SPSB4: variants seen among roughly 807,000 people sequenced by gnomAD.
SPSB4 encodes the protein SPRY domain-containing SOCS box protein 4.
SPSB4 carries 21 observed loss-of-function variants against 20.9 expected under a neutral mutation model. That is an observed-to-expected ratio of 1.01 (90% CI 0.71 to 1.45). The LOEUF (loss-of-function observed/expected upper bound fraction) is 1.45, where lower values mean the gene tolerates loss of function less well. Among genes scored for constraint, SPSB4 ranks in the 40% most tolerant of loss-of-function variants. SPSB4 has a pLI of 0.00. For synonymous variants in SPSB4, 207 were observed against 183.8 expected (o/e 1.13, Z -1.02); for missense variants, 399 against 399.2 (o/e 1.00, Z 0.00).
chr3:141,052,547 A>G (rs1213316111), intron 1 of SPSB4, among the ~76,000 whole-genome samples: 1 of 152,124 alleles, frequency 6.6e-6, no homozygotes, highest in African/African-American at 2.4e-5. Flanking sequence ...TGGGGACAAT[A>G]ATTCCTGGGG....
At chr3:141,067,720 G>A (rs943219092) in intron 2 of SPSB4, among the ~76,000 whole-genome samples, 8 of 152,210 alleles carry the variant, frequency 5.3e-5, no homozygotes, top group Non-Finnish European at 1.2e-4. Flanking sequence ...TGCCTGTCCT[G>A]AGTTGAATCC....
intron 1 of SPSB4, among the ~76,000 whole-genome samples, chr3:141,061,645 AT>A (rs1178853818): frequency 2.0e-5 from 3 of 150,694 alleles, no homozygotes; most frequent in East Asian, 1.9e-4. Flanking sequence ...TTATTAACAT[AT>A]TTTTTCAGAT....
intron 2 of SPSB4, among the ~76,000 whole-genome samples, chr3:141,146,650 T>A (rs1353371562): frequency 6.6e-6 from 1 of 151,894 alleles, no homozygotes; most frequent in East Asian, 1.9e-4. Flanking sequence ...GGCGGGTGCC[T>A]GTAGTCCCAG....
chr3:141,078,809 C>T (rs943519880), intron 2 of SPSB4, among the ~76,000 whole-genome samples: 1 of 152,204 alleles, frequency 6.6e-6, no homozygotes, highest in Non-Finnish European at 1.5e-5. Context: ...CACTTCTGCA[C>T]CCTCAAGATT....
At position 141,066,666 on chromosome 3, in the gene SPSB4, C is replaced by T. The variant is rs778815730; in HGVS notation, c.562C>T (p.Leu188Phe). 2.5e-6 allele frequency: 4 copies of T among 1,613,358 alleles called. No individual in the cohort carries two copies. The South Asian group carries it at 4.4e-5, about 18-fold the overall frequency. ...GGTGCTGGACATGGATGAGGGCACACTCAGCTTCATCGTGGATGGCCAGTA... is the reference window on the plus strand; with the variant it reads ...GGTGCTGGACATGGATGAGGGCACATTCAGCTTCATCGTGGATGGCCAGTA... ...LVVLDMDEGT[L>F]SFIVDGQYLG... Residue 188 changes from leucine (L) to phenylalanine (F), a missense_variant, in exon 2 of 3, where the codon CTC becomes TTC. Transcript: ENST00000310546.
rs1193722085 is a variant in SPSB4 at position 141,051,990 on chromosome 3, A to G, written c.-156A>G. The G allele has an allele frequency of 6.6e-6, 1 of 152,152 alleles. No homozygotes were observed. Among genetic ancestry groups the G allele is most frequent in the East Asian group, 2.0e-4 (1 of 5,122 alleles). 9.4% of individuals were successfully genotyped at this position (152,152 alleles called of 1,614,324 possible). Reference sequence around the variant, plus strand: ...CGAACAGGCGCTTGCCCTCTCTTTTATGGTAAGTACTCTCCAGCTCCTGGT... The same window carrying G: ...CGAACAGGCGCTTGCCCTCTCTTTTGTGGTAAGTACTCTCCAGCTCCTGGT... On this transcript the variant is annotated splice_region_variant and 5_prime_UTR_variant, in exon 1 of 3. An upstream start codon of the reference 5' UTR is lost. Coordinates refer to ENST00000310546, the MANE Select transcript of SPSB4 (RefSeq NM_080862.3).
intron 2 of SPSB4, among the ~76,000 whole-genome samples, chr3:141,074,122 G>C (rs1398530153): frequency 1.3e-5 from 2 of 152,184 alleles, no homozygotes; most frequent in East Asian, 3.8e-4. Flanking sequence ...GCCACAGCAT[G>C]GTCTTGTGGG....
At chr3:141,115,219 C>A (rs563109150) in intron 2 of SPSB4, 9 of 152,314 alleles carry the variant, frequency 5.9e-5, no homozygotes, top group African/African-American at 2.2e-4. Context: ...TTCCTGGATC[C>A]AACTGCGTTT....
At chr3:141,099,056 T>A (rs116131691) in intron 2 of SPSB4, among the ~76,000 whole-genome samples, 1,873 of 152,278 alleles carry the variant, frequency 0.012, 25 homozygotes, top group African/African-American at 0.042. Flanking sequence ...ATTAACATAT[T>A]TCTGAGCATG....
intron 2 of SPSB4, among the ~76,000 whole-genome samples, chr3:141,133,419 T>C (rs375458816): frequency 1.3e-5 from 2 of 152,352 alleles, no homozygotes; most frequent in South Asian, 4.1e-4. Context: ...ATTTTTATGG[T>C]TTCAGGTCTT....
chr3:141,053,855 A>C (rs76865270), intron 1 of SPSB4, among the ~76,000 whole-genome samples: 8,296 of 152,154 alleles, frequency 0.055, 354 homozygotes, highest in Non-Finnish European at 0.079. Context: ...ACAGAGTAAA[A>C]TCTAGATGAT....
intron 2 of SPSB4, among the ~76,000 whole-genome samples, chr3:141,112,115 A>T (rs1938807632): frequency 6.6e-6 from 1 of 152,214 alleles, no homozygotes; most frequent in African/African-American, 2.4e-5. Flanking sequence ...CTGTGGTGGG[A>T]TCCCCACTGA....
chr3:141,117,555 G>T (rs1938896199), intron 2 of SPSB4, among the ~76,000 whole-genome samples: 2 of 152,064 alleles, frequency 1.3e-5, no homozygotes, highest in African/African-American at 4.8e-5. Flanking sequence ...CAATGTGCAG[G>T]TTTGTTACAT....
chr3:141,137,387 G>A (rs964195450), intron 2 of SPSB4, among the ~76,000 whole-genome samples: 8 of 152,224 alleles, frequency 5.3e-5, no homozygotes, highest in African/African-American at 1.9e-4. Flanking sequence ...TAGGAGTGGT[G>A]AGAGAGGGCA....
At chr3:141,138,564 C>A (rs1158103713) in intron 2 of SPSB4, among the ~76,000 whole-genome samples, 2 of 152,170 alleles carry the variant, frequency 1.3e-5, no homozygotes, top group Non-Finnish European at 2.9e-5. Flanking sequence ...CAAAGAACAT[C>A]TTTATTTCCG....
intron 2 of SPSB4, among the ~76,000 whole-genome samples, chr3:141,128,890 T>C (rs1023896074): frequency 6.6e-6 from 1 of 152,204 alleles, no homozygotes; most frequent in African/African-American, 2.4e-5. Context: ...CACTCTCCTC[T>C]TTTTCTGGAG....
chr3:141,103,183 C>A (rs1027953919), intron 2 of SPSB4, among the ~76,000 whole-genome samples: 1 of 152,224 alleles, frequency 6.6e-6, no homozygotes, highest in African/African-American at 2.4e-5. Context: ...CCATGTCCCC[C>A]TCTGAGCTGG....
At chr3:141,085,152 G>A (rs1313801967) in intron 2 of SPSB4, among the ~76,000 whole-genome samples, 6 of 152,168 alleles carry the variant, frequency 3.9e-5, no homozygotes, top group African/African-American at 1.2e-4. Context: ...GAAGGTACAG[G>A]CACAGGATGG....
chr3:141,113,065 C>T (rs1266604534), intron 2 of SPSB4, among the ~76,000 whole-genome samples: 2 of 152,142 alleles, frequency 1.3e-5, no homozygotes, highest in Admixed American at 6.5e-5. Flanking sequence ...GCTTTAAATT[C>T]AGCACAAGGA....
Sources: allele counts gnomAD v4.1 joint callset (sites outside exome capture counted in the v4.1 genomes callset), GRCh38; gene constraint gnomAD v4.1.1; transcripts MANE v1.5; gene names NCBI Gene and HGNC (gene_info 2026-07-23, HGNC 2026-07-21).